Variants in CFAP144 observed in about 807,000 individuals in gnomAD.
CFAP144 encodes the protein cilia and flagella associated protein 144.
At chr1:43,152,461 A>G in the CFAP144 span, among the ~76,000 whole-genome samples, 1 of 152,096 alleles carries the variant, frequency 6.6e-6, no homozygotes, top group Non-Finnish European at 1.5e-5. Flanking sequence ...TTGCCTGCAC[A>G]TGACCCTTCA....
chr1:43,150,799 A>G, the CFAP144 span: 1 of 1,610,124 alleles, frequency 6.2e-7, no homozygotes, highest in East Asian at 2.2e-5. Context: ...TTGGCATGAT[A>G]ACCTGGAGGA....
chr1:43,143,046 T>C, the CFAP144 span, among the ~76,000 whole-genome samples: 7,624 of 152,192 alleles, frequency 0.05, 235 homozygotes, highest in African/African-American at 0.079. Flanking sequence ...GTACTGATTA[T>C]TTGCCACCCA....
chr1:43,152,699 G>A, the CFAP144 span: 2 of 1,000,022 alleles, frequency 2.0e-6, no homozygotes, highest in Non-Finnish European at 2.8e-6. Flanking sequence ...CCCTGGTCTT[G>A]AGGCTGAGGC....
the CFAP144 span, chr1:43,147,798 G>C: frequency 6.7e-7 from 1 of 1,490,610 alleles, no homozygotes. Context: ...GGCAGGGTAA[G>C]GGGCTGGCAG....
the CFAP144 span, among the ~76,000 whole-genome samples, chr1:43,148,979 A>G: frequency 6.6e-6 from 1 of 152,038 alleles, no homozygotes; most frequent in African/African-American, 2.4e-5. Context: ...TAGCACCTCA[A>G]ACAGCCTCTG....
chr1:43,155,973 G>C, the CFAP144 span, among the ~76,000 whole-genome samples: 1 of 152,238 alleles, frequency 6.6e-6, no homozygotes, highest in African/African-American at 2.4e-5. Context: ...TCTAGGTGCT[G>C]AGGATACTGT....
chr1:43,150,725 A>T, the CFAP144 span: 1 of 1,566,978 alleles, frequency 6.4e-7, no homozygotes, highest in Non-Finnish European at 8.7e-7. Flanking sequence ...CTCATGTTTT[A>T]ATCTGAACTT....
chr1:43,149,611 C>T, the CFAP144 span, among the ~76,000 whole-genome samples: 16 of 152,286 alleles, frequency 1.1e-4, no homozygotes, highest in East Asian at 2.5e-3. Flanking sequence ...CGTTCAAACT[C>T]GGTCCATTCC....
chr1:43,156,108 G>T, the CFAP144 span: 1 of 940,110 alleles, frequency 1.1e-6, no homozygotes, highest in South Asian at 1.3e-5. Context: ...CACAGGCTGG[G>T]AGGGTGGAGC....
At chr1:43,151,549 G>A in the CFAP144 span, among the ~76,000 whole-genome samples, 1 of 152,286 alleles carries the variant, frequency 6.6e-6, no homozygotes, top group African/African-American at 2.4e-5. Flanking sequence ...GATTGTGGAA[G>A]GACATTCCGA....
At chr1:43,146,476 A>AAT in the CFAP144 span, among the ~76,000 whole-genome samples, 2 of 152,328 alleles carry the variant, frequency 1.3e-5, no homozygotes, top group South Asian at 4.1e-4. Flanking sequence ...TCTTAAATGA[A>AAT]AATTAAGAAG....
chr1:43,149,612 G>A, the CFAP144 span, among the ~76,000 whole-genome samples: 1 of 152,050 alleles, frequency 6.6e-6, no homozygotes, highest in African/African-American at 2.4e-5. Flanking sequence ...GTTCAAACTC[G>A]GTCCATTCCA....
chr1:43,156,326 T>G, the CFAP144 span: 1 of 1,594,792 alleles, frequency 6.3e-7, no homozygotes, highest in Non-Finnish European at 8.6e-7. Context: ...TCCCAGCGGA[T>G]GAGCCCATCT....
At chr1:43,153,096 A>G in the CFAP144 span, 6 of 830,910 alleles carry the variant, frequency 7.2e-6, no homozygotes, top group East Asian at 1.1e-4. Context: ...TAATTGTTGT[A>G]AAATGGAGCT....
At chr1:43,156,391 A>AATAAAAT in the CFAP144 span, 1 of 1,173,620 alleles carries the variant, frequency 8.5e-7, no homozygotes. Flanking sequence ...ACTACTTTAA[A>AATAAAAT]ACGAAGTTTC....
At chr1:43,144,033 C>T in the CFAP144 span, among the ~76,000 whole-genome samples, 1,560 of 152,320 alleles carry the variant, frequency 0.01, 15 homozygotes, top group Non-Finnish European at 0.017. Flanking sequence ...GTGAAAAGGG[C>T]TTTGAACAGT....
the CFAP144 span, among the ~76,000 whole-genome samples, chr1:43,151,227 T>A: frequency 1.7e-4 from 26 of 152,196 alleles, no homozygotes; most frequent in Non-Finnish European, 2.9e-4. Flanking sequence ...TTACCTCTTT[T>A]AGCCTATTTC....
the CFAP144 span, chr1:43,152,756 G>T: frequency 3.5e-6 from 5 of 1,437,170 alleles, no homozygotes; most frequent in South Asian, 1.5e-5. Context: ...CAATGTGGAC[G>T]CAGGAAAGGG....
At chr1:43,145,723 T>C in the CFAP144 span, among the ~76,000 whole-genome samples, 1 of 152,146 alleles carries the variant, frequency 6.6e-6, no homozygotes, top group South Asian at 2.1e-4. Flanking sequence ...CCAAAAGATA[T>C]TTTTAGGGAA....
Sources: gnomAD v4.1 joint callset for allele counts (sites outside exome capture counted in the v4.1 genomes callset) on GRCh38, gnomAD v4.1.1 for gene constraint, MANE v1.5 for transcripts, NCBI Gene and HGNC (gene_info 2026-07-23, HGNC 2026-07-21) for gene names.